BBOF1: variants seen among roughly 807,000 people sequenced by gnomAD.
BBOF1 encodes the protein basal body orientation factor 1.
BBOF1 carries 62 observed loss-of-function variants against 68.0 expected under a neutral mutation model. The ratio of observed to expected loss-of-function variants is 0.91; its 90% CI spans 0.74 to 1.13. BBOF1 has a LOEUF of 1.13. Ranked by LOEUF, BBOF1 falls within the 50% of genes most tolerant of loss-of-function variation. The probability of loss-of-function intolerance (pLI) is 0.00; values close to 1 mark genes in which losing one functional copy is unlikely to be tolerated. For missense variants in BBOF1, 534 were observed against 600.1 expected, an observed-to-expected ratio of 0.89 and a Z score of 1.15; for synonymous variants, 208 against 198.8, an observed-to-expected ratio of 1.05 and a Z score of -0.39.
Position 74,051,327 on chromosome 14 carries a change from C to T in BBOF1, c.1286+1132C>T, listed in dbSNP as rs149222628. The stretch of plus-strand genomic sequence containing the variant: ...CCAGCTACTCAGTAGGCACAAGAAT[C>T]GCTTGAACCCAGGAGGCAGAGGTTG... On this transcript the variant is annotated intron_variant, in intron 8 of 11. Transcript: ENST00000394009. Among the ~76,000 whole-genome samples, 972 of 151,692 alleles carry T rather than the reference C, an allele frequency of 6.4e-3. 47 individuals are homozygous for T. Among genetic ancestry groups the T allele is most frequent in the African/African-American group, 0.022 (920 of 41,042 alleles).
At chr14:74,062,054 A>AGG (rs2060355862) in intron 11 of BBOF1, among the ~76,000 whole-genome samples, 1 of 103,252 alleles carries the variant, frequency 9.7e-6, no homozygotes, top group Non-Finnish European at 2.0e-5. Context: ...CTACTGGGAA[A>AGG]AAAAAAAAAA....
chr14:74,045,342 C>T (rs761514413), intron 5 of BBOF1, among the ~76,000 whole-genome samples: 2 of 151,996 alleles, frequency 1.3e-5, no homozygotes, highest in East Asian at 1.9e-4. Flanking sequence ...TGGAGTTTCA[C>T]TCTTGTTGCC....
At position 74,065,324 on chromosome 14, in the gene BBOF1, G is replaced by A. The variant is rs775391997; in HGVS notation, c.*625G>A. 5 of 1,614,014 alleles carry A rather than the reference G, an allele frequency of 3.1e-6. No homozygotes were observed. The Admixed American group carries it at 6.7e-5, about 22-fold the overall frequency. ...TCTGTCTCCAGAACCACAAGAACTG[G>A]ACCAAAAATCTCCTCTTTGTAACAG... On this transcript the variant is annotated 3_prime_UTR_variant, in exon 12 of 12. Transcript: ENST00000394009.
At chr14:74,076,941 C>G (rs1194010624) in intron 9 of BBOF1, among the ~76,000 whole-genome samples, 1 of 152,202 alleles carries the variant, frequency 6.6e-6, no homozygotes, top group Non-Finnish European at 1.5e-5. Context: ...TAAAGGAAAG[C>G]TGCAATCTAA....
intron 10 of BBOF1, chr14:74,081,022 GGCAC>G (rs2060663316): frequency 6.6e-6 from 1 of 152,142 alleles, no homozygotes; most frequent in Admixed American, 6.6e-5. Flanking sequence ...TCTCTTGCCT[GGCAC>G]TGTTTCATCT....
downstream of BBOF1, chr14:74,066,125 G>A (rs2060460109): frequency 1.3e-5 from 2 of 155,296 alleles, no homozygotes; most frequent in Non-Finnish European, 2.9e-5. Flanking sequence ...ATATTGGGTG[G>A]TTGATATATT....
intron 5 of BBOF1, among the ~76,000 whole-genome samples, chr14:74,042,910 A>ACT (rs1451232159): frequency 4.8e-5 from 7 of 147,170 alleles, no homozygotes; most frequent in Non-Finnish European, 7.5e-5. Context: ...ACACACACAC[A>ACT]CTACTGGGAA....
At chr14:74,026,685 G>A (rs2059436227) in intron 2 of BBOF1, among the ~76,000 whole-genome samples, 1 of 152,004 alleles carries the variant, frequency 6.6e-6, no homozygotes, top group Non-Finnish European at 1.5e-5. Flanking sequence ...AGAACTTTGG[G>A]AGGCCGAGGT....
At chr14:74,038,682 G>T (rs1047723417) in intron 4 of BBOF1, among the ~76,000 whole-genome samples, 4 of 152,220 alleles carry the variant, frequency 2.6e-5, no homozygotes, top group Non-Finnish European at 5.9e-5. Context: ...ATTCTCAAAA[G>T]GTATTCAAAG....
intron 11 of BBOF1, chr14:74,059,700 A>T (rs901602080): frequency 5.9e-6 from 1 of 170,068 alleles, no homozygotes; most frequent in Non-Finnish European, 1.3e-5. Context: ...CATCTCAAAA[A>T]AAAGAAAAAA....
At chr14:74,044,511 G>C (rs2059904901) in intron 5 of BBOF1, among the ~76,000 whole-genome samples, 1 of 144,224 alleles carries the variant, frequency 6.9e-6, no homozygotes, top group Non-Finnish European at 1.5e-5. Flanking sequence ...CACCCAGGCT[G>C]GAGTGCAGTG....
chr14:74,070,480 C>T (rs1205728015), downstream of BBOF1, among the ~76,000 whole-genome samples: 1 of 152,152 alleles, frequency 6.6e-6, no homozygotes, highest in African/African-American at 2.4e-5. Context: ...GATCGCACCA[C>T]TGCTCTCCAG....
Position 74,022,968 on chromosome 14 carries a change from T to G in BBOF1, c.109T>G (p.Ser37Ala), listed in dbSNP as rs1382511508. ...GGTGGACAGAGCCAAGGCCAATGCC[T>G]CCCTTTGGGAGGCCAGGTTGGAAGT... is the stretch of plus-strand genomic sequence containing the variant. The part of the protein sequence containing the change: ...SVVDRAKANA[S>A]LWEARLEVTE... Residue 37 changes from serine to alanine, a missense_variant, in exon 2 of 12, where the codon TCC becomes GCC. Physicochemically the swap from Ser to Ala is moderately conservative, Grantham distance 99. Coordinates refer to ENST00000394009, the MANE Select transcript of BBOF1 (RefSeq NM_025057.3). The G allele has an allele frequency of 3.7e-6, 6 of 1,613,318 alleles. No homozygotes were observed. The highest frequency in any genetic ancestry group is 1.1e-5 in the South Asian group (1 of 90,944).
At chr14:74,068,853 A>G (rs200731239), downstream of BBOF1, 2,465 of 1,613,836 alleles carry the variant, frequency 1.5e-3, 5 homozygotes, top group Non-Finnish European at 1.9e-3. Context: ...AAGGAATAAG[A>G]AGTCACCATA....
At chr14:74,034,911 G>C (rs1436085760) in intron 4 of BBOF1, among the ~76,000 whole-genome samples, 2 of 152,034 alleles carry the variant, frequency 1.3e-5, no homozygotes, top group Non-Finnish European at 2.9e-5. Flanking sequence ...GCAACATAGT[G>C]AAATCCCAAC....
rs2059646077 is a variant in BBOF1 at position 74,034,233 on chromosome 14, G to A, written c.495+62G>A. ...AATTAACTATTTAATGCCTACAGAA[G>A]CCTTCACAAACATTTACTCCTGTGA... On this transcript the variant is annotated intron_variant, in intron 4 of 11. Transcript: ENST00000394009. 5.2e-6 allele frequency: 6 copies of A among 1,148,832 alleles called. No homozygotes were observed. The South Asian group carries it at 1.3e-4, about 24-fold the overall frequency. 71.2% of individuals were successfully genotyped at this position (1,148,832 alleles called of 1,614,324 possible).
chr14:74,045,641 A>C (rs565492878), intron 5 of BBOF1, among the ~76,000 whole-genome samples: 68 of 152,146 alleles, frequency 4.5e-4, no homozygotes, highest in Non-Finnish European at 8.4e-4. Context: ...CTGACCAAGC[A>C]CTTCTAATTT....
intron 9 of BBOF1, among the ~76,000 whole-genome samples, chr14:74,077,603 A>G (rs1216738092): frequency 1.3e-5 from 2 of 152,158 alleles, no homozygotes; most frequent in African/African-American, 2.4e-5. Flanking sequence ...ATCCATTCCC[A>G]TGGGAACTAA....
At chr14:74,072,348 A>G (rs773962955) in intron 9 of BBOF1, 2 of 1,614,198 alleles carry the variant, frequency 1.2e-6, no homozygotes, top group Non-Finnish European at 1.7e-6. Context: ...GACCCGACCA[A>G]TGACCTCATT....
Sources: gnomAD v4.1 joint callset for allele counts (sites outside exome capture counted in the v4.1 genomes callset) on GRCh38, gnomAD v4.1.1 for gene constraint, MANE v1.5 for transcripts, NCBI Gene and HGNC (gene_info 2026-07-23, HGNC 2026-07-21) for gene names.